KIF5A: variants seen among roughly 807,000 people sequenced by gnomAD.
KIF5A encodes the protein kinesin family member 5A.
KIF5A carries 35 observed loss-of-function variants against 141.3 expected under a neutral mutation model. That is an observed-to-expected ratio of 0.25 (90% CI 0.19 to 0.33). The LOEUF (loss-of-function observed/expected upper bound fraction) is 0.33, where lower values mean the gene tolerates loss of function less well. Ranked by LOEUF, KIF5A falls within the 10% of genes least tolerant of loss-of-function variation. The probability of loss-of-function intolerance (pLI) is 1.00; values close to 1 mark genes in which losing one functional copy is unlikely to be tolerated. For missense variants in KIF5A, 861 were observed against 1,314.3 expected (o/e 0.66, Z 5.33); for synonymous variants, 448 against 500.2 (o/e 0.90, Z 1.39).
At position 57,567,218 on chromosome 12, in the gene KIF5A, G is replaced by GT; in HGVS notation, c.589+6dup. ...ATCGTCATGTGGCTGTCACCAGTGA[G>GT]TGAGGATACAAGGGGATCTCTCGAG... On this transcript the variant is annotated splice_donor_region_variant and intron_variant, in intron 7 of 28. Transcript: ENST00000455537. The GT allele has an allele frequency of 1.9e-6, 3 of 1,604,056 alleles. No individual in the cohort carries two copies. The highest frequency in any genetic ancestry group is 2.6e-6 in the Non-Finnish European group (3 of 1,171,184).
rs1882761157 is a variant in KIF5A, at chr12:57,586,367, A to C, written c.*2186A>C. 6.6e-6 allele frequency: 1 copy of C among 152,226 alleles called. No individual in the cohort carries two copies. Among genetic ancestry groups the C allele is most frequent in the South Asian group, 2.1e-4 (1 of 4,826 alleles). The allele number at this position is 152,226 out of a possible 1,614,324, so 9.4% of individuals were successfully genotyped here. ...TTTAGCAAGATGTAAGGGAAATATA[A>C]TTCACTTACATAAAAAAGAAACAAC... is the stretch of plus-strand genomic sequence containing the variant. On this transcript the variant is annotated 3_prime_UTR_variant, in exon 29 of 29. Transcript: ENST00000455537.
rs530832211 is a variant in KIF5A at position 57,571,311 on chromosome 12, C to A, written c.1294-10C>A. 8.7e-5 allele frequency: 133 copies of A among 1,524,294 alleles called. No individual in the cohort carries two copies. In the South Asian group the frequency reaches 1.4e-3, roughly 16 times the overall value. The allele number at this position is 1,524,294 out of a possible 1,614,324, so 94.4% of individuals were successfully genotyped here. Reference sequence around the variant, plus strand: ...TCCCTTCACCTGTCTTTCCCTGTTGCCTCCAACAGGATGATGAAATCAACC... The same window carrying A: ...TCCCTTCACCTGTCTTTCCCTGTTGACTCCAACAGGATGATGAAATCAACC... On this transcript the variant is annotated splice_polypyrimidine_tract_variant and intron_variant, in intron 12 of 28. Transcript: ENST00000455537.
chr12:57,566,629 C>T (rs1320332413), intron 6 of KIF5A, among the ~76,000 whole-genome samples: 1 of 151,946 alleles, frequency 6.6e-6, no homozygotes, highest in Non-Finnish European at 1.5e-5. Flanking sequence ...AGGCTGGTCA[C>T]GAACTCCTGA....
chr12:57,570,216 C>A (rs984914774), intron 12 of KIF5A, 54 bp downstream of exon 12: 1 of 1,558,320 alleles, frequency 6.4e-7, no homozygotes, highest in Non-Finnish European at 8.8e-7. Flanking sequence ...GAGAGGTAGA[C>A]GATCAAAGAA....
rs746414899 is a variant in KIF5A, at chr12:57,567,479, C to T, written c.590-15C>T. 1 of 1,612,596 alleles carries T rather than the reference C, an allele frequency of 6.2e-7. No homozygotes were observed. The highest frequency in any genetic ancestry group is 8.5e-7 in the Non-Finnish European group (1 of 1,179,556). ...GCAGGGTGGTGCAGGTCCTGTTTCTCCCTTGCTCCTGCAGACATGAATGAA... is the reference window on the plus strand; with the variant it reads ...GCAGGGTGGTGCAGGTCCTGTTTCTTCCTTGCTCCTGCAGACATGAATGAA... On this transcript the variant is annotated splice_polypyrimidine_tract_variant and intron_variant, in intron 7 of 28. Coordinates refer to ENST00000455537, the MANE Select transcript of KIF5A (RefSeq NM_004984.4).
intron 12 of KIF5A, 67 bp from the exon 13 acceptor site, chr12:57,571,254 A>T: frequency 1.0e-6 from 1 of 987,410 alleles, no homozygotes; most frequent in Non-Finnish European, 1.6e-6. Flanking sequence ...TCTACCCCCA[A>T]ACTTCTTACG....
At chr12:57,571,950 C>T in intron 13 of KIF5A, 111 bp from the exon 14 acceptor site, 1 of 855,542 alleles carries the variant, frequency 1.2e-6, no homozygotes, top group Non-Finnish European at 1.9e-6. Flanking sequence ...AAGCCCACTT[C>T]CTCTTAACTC....
At chr12:57,568,064 G>A (rs1046628461) in intron 8 of KIF5A, among the ~76,000 whole-genome samples, 2 of 152,002 alleles carry the variant, frequency 1.3e-5, no homozygotes, top group Admixed American at 6.5e-5. Context: ...TGTATTTTTA[G>A]TAGAGACGGG....
chr12:57,550,480 C>A lies in KIF5A; in HGVS notation c.129+80C>A. 6.8e-7 allele frequency: 1 copy of A among 1,477,996 alleles called. No individual in the cohort carries two copies. Among genetic ancestry groups the A allele is most frequent in the Non-Finnish European group, 9.4e-7 (1 of 1,067,038 alleles). The allele number at this position is 1,477,996 out of a possible 1,614,324, so 91.6% of individuals were successfully genotyped here. A position where few individuals can be genotyped will look rare whatever the true frequency, so the allele number is the denominator to read the frequency against. ...GCCCCCCGCAGAGCCTTAGTCTCTG[C>A]TGGTCCCTTTGCTCCCCCTCCCCGC... On this transcript the variant is annotated intron_variant, in intron 1 of 28. Transcript: ENST00000455537. This position sits in a 1 kb window ranked among gnomAD's most constrained non-coding sequence, Gnocchi z 4.6.
In KIF5A at chr12:57,581,421, C is replaced by T. The variant is rs1882595735; in HGVS notation, c.2762C>T (p.Pro921Leu). Residue 921 changes from proline (P) to leucine (L), a missense_variant, in exon 25 of 29, where the codon CCC becomes CTC. Around this residue, in one of 5 missense-constraint regions of KIF5A, gnomAD observed 482 missense variants for 661.3 expected, o/e 0.73. Transcript: ENST00000455537. ...KRGHSAQIAK[P>L]VRPGHYPASS... ...TTTTCTTTCTTTATTGCAGCCAAAC[C>T]CGTCCGGCCTGGCCACTACCCAGCA... 3.1e-6 allele frequency: 5 copies of T among 1,613,812 alleles called. No individual in the cohort carries two copies. The highest frequency in any genetic ancestry group is 1.1e-5 in the South Asian group (1 of 91,084).
In KIF5A at chr12:57,563,481, A is replaced by T. The variant is rs1348634786; in HGVS notation, c.172A>T (p.Thr58Ser). 1 of 1,613,806 alleles carries T rather than the reference A, an allele frequency of 6.2e-7. No homozygotes were observed. The highest frequency in any genetic ancestry group is 8.5e-7 in the Non-Finnish European group (1 of 1,179,854). The change falls in exon 2 of 29, where the codon ACT becomes TCT. Residue 58 changes from threonine (T) to serine (S), a missense_variant. Physicochemically the swap from Thr to Ser is moderately conservative, Grantham distance 58 (BLOSUM62 1). Coordinates refer to ENST00000455537, the MANE Select transcript of KIF5A (RefSeq NM_004984.4). ...TGACCGTGTATTCCCCCCAAACACG[A>T]CTCAAGAGCAAGTTTATCATGCATG... The part of the protein sequence containing the change: ...VFDRVFPPNT[T>S]QEQVYHACAM...
chr12:57,567,774 C>T (rs553659141), intron 8 of KIF5A, among the ~76,000 whole-genome samples, 156 bp downstream of exon 8: 1 of 151,630 alleles, frequency 6.6e-6, no homozygotes, highest in Admixed American at 6.6e-5. Context: ...GATTCTCCTG[C>T]CTAAACCTTC....
At chr12:57,583,270 C>A in intron 28 of KIF5A, 55 bp downstream of exon 28, 2 of 1,028,878 alleles carry the variant, frequency 1.9e-6, no homozygotes, top group South Asian at 1.3e-5. Context: ...TTCTTGCTGA[C>A]AGCCTCTTTG....
In KIF5A at chr12:57,586,620, C is replaced by A. The variant is rs942779471; in HGVS notation, c.*2439C>A. On this transcript the variant is annotated 3_prime_UTR_variant, in exon 29 of 29. Transcript: ENST00000455537. ...AGATAACTTTAAAATAAAATAAATTCAATGATAACTCTATGTTGTTGTAAA... is the reference window on the plus strand; with the variant it reads ...AGATAACTTTAAAATAAAATAAATTAAATGATAACTCTATGTTGTTGTAAA... 6 of 152,216 alleles carry A rather than the reference C, an allele frequency of 3.9e-5. No homozygotes were observed. The highest frequency in any genetic ancestry group is 3.9e-4 in the Admixed American group (6 of 15,280). The allele number at this position is 152,216 out of a possible 1,614,324, so 9.4% of individuals were successfully genotyped here. A position where few individuals can be genotyped will look rare whatever the true frequency, so the allele number is the denominator to read the frequency against.
chr12:57,567,328 G>T (rs1882094823), intron 7 of KIF5A, 115 bp downstream of exon 7: 6 of 1,130,814 alleles, frequency 5.3e-6, no homozygotes, highest in Non-Finnish European at 7.7e-6. Flanking sequence ...AGAGGAGGAG[G>T]ACCCCTTGTC....
chr12:57,552,994 T>TC (rs1340589036), intron 1 of KIF5A, among the ~76,000 whole-genome samples: 1 of 152,090 alleles, frequency 6.6e-6, no homozygotes, highest in Non-Finnish European at 1.5e-5. Flanking sequence ...TCTGACTTCT[T>TC]CCAGGAACCT....
At chr12:57,575,341 A>G in intron 16 of KIF5A, 69 bp downstream of exon 16, 3 of 1,470,050 alleles carry the variant, frequency 2.0e-6, no homozygotes, top group Non-Finnish European at 1.9e-6. Flanking sequence ...GTTATGGCTA[A>G]AACTCCTAAC....
intron 8 of KIF5A, among the ~76,000 whole-genome samples, chr12:57,567,945 C>T (rs545376478): frequency 5.9e-5 from 9 of 151,470 alleles, no homozygotes; most frequent in South Asian, 2.1e-4. Flanking sequence ...TGCAGTGGCA[C>T]GCTCTCAGCT....
chr12:57,584,267 C>G lies in KIF5A; in HGVS notation c.*86C>G, dbSNP rs1882692170. 2.0e-5 allele frequency: 3 copies of G among 152,586 alleles called. No individual in the cohort carries two copies. The South Asian group carries it at 6.2e-4, about 32-fold the overall frequency. The allele number at this position is 152,586 out of a possible 1,614,324, so 9.5% of individuals were successfully genotyped here. ...TCTCAGCATGCTGCAAACCTGTGGTCTCTGATACTAACTCCCTCCCCAACC... is the reference window on the plus strand; with the variant it reads ...TCTCAGCATGCTGCAAACCTGTGGTGTCTGATACTAACTCCCTCCCCAACC... On this transcript the variant is annotated 3_prime_UTR_variant, in exon 29 of 29. Coordinates refer to ENST00000455537, the MANE Select transcript of KIF5A (RefSeq NM_004984.4).
Sources: gnomAD v4.1 joint callset for allele counts (sites outside exome capture counted in the v4.1 genomes callset) on GRCh38, gnomAD v4.1.1 for gene constraint, gnomAD v4.1.1 regional missense constraint, Gnocchi (gnomAD v3.1) non-coding constraint, MANE v1.5 for transcripts, NCBI Gene and HGNC (gene_info 2026-07-23, HGNC 2026-07-21) for gene names.